The following SLC25A48 variants were observed in gnomAD, a reference collection of about 807,000 sequenced individuals.
SLC25A48 encodes solute carrier family 25 member 48, also known as CTC-321K16.1.
SLC25A48 carries 29 observed loss-of-function variants against 32.2 expected under a neutral mutation model. The observed-to-expected ratio is 0.90, with a 90% confidence interval of 0.67 to 1.23. SLC25A48 has a LOEUF of 1.23. Ranked by LOEUF, SLC25A48 falls within the 50% of genes most tolerant of loss-of-function variation. SLC25A48 has a pLI of 0.00. For synonymous variants in SLC25A48, 164 were observed against 172.3 expected (o/e 0.95, Z 0.38); for missense variants, 399 against 422.7 (o/e 0.94, Z 0.49).
At chr5:135,664,359 C>A (rs1753473048) in intron 3 of SLC25A48, among the ~76,000 whole-genome samples, 1 of 152,128 alleles carries the variant, frequency 6.6e-6, no homozygotes, top group African/African-American at 2.4e-5. Context: ...AGCTCTCTAG[C>A]CCAAACATGT....
chr5:135,658,956 T>A (rs745655693), intron 3 of SLC25A48, among the ~76,000 whole-genome samples: 1 of 152,222 alleles, frequency 6.6e-6, no homozygotes, highest in Admixed American at 6.5e-5. Flanking sequence ...TTCCCTCTTA[T>A]GCCTCTAGAC....
intron 3 of SLC25A48, among the ~76,000 whole-genome samples, chr5:135,791,795 T>C (rs1757037001): frequency 1.3e-5 from 2 of 151,736 alleles, no homozygotes; most frequent in South Asian, 2.1e-4. Flanking sequence ...TGTAATACCC[T>C]AGGATGATAT....
At chr5:135,755,715 AC>A (rs1421292824) in intron 3 of SLC25A48, among the ~76,000 whole-genome samples, 1 of 151,986 alleles carries the variant, frequency 6.6e-6, no homozygotes, top group Non-Finnish European at 1.5e-5. Context: ...TCTAGTGTCA[AC>A]GCACTATCTT....
chr5:135,800,398 A>G (rs564946689), intron 3 of SLC25A48, among the ~76,000 whole-genome samples: 13 of 151,936 alleles, frequency 8.6e-5, no homozygotes, highest in Non-Finnish European at 1.9e-4. Flanking sequence ...TGTTCCTAAT[A>G]TCCAGAAGCT....
chr5:135,593,520 C>A (rs1358875082), intron 1 of SLC25A48, among the ~76,000 whole-genome samples: 6 of 152,160 alleles, frequency 3.9e-5, no homozygotes, highest in Admixed American at 3.3e-4. Context: ...AATTAAGTAG[C>A]ATTTGAAGTT....
At chr5:135,645,240 C>T (rs1354881848) in intron 3 of SLC25A48, among the ~76,000 whole-genome samples, 2 of 152,316 alleles carry the variant, frequency 1.3e-5, no homozygotes, top group Admixed American at 1.3e-4. Context: ...CTGGTTTCCT[C>T]CTTTCTGTGA....
intron 3 of SLC25A48, among the ~76,000 whole-genome samples, chr5:135,641,551 G>A (rs1485158105): frequency 6.6e-6 from 1 of 152,112 alleles, no homozygotes; most frequent in Non-Finnish European, 1.5e-5. Context: ...TGCTTACATA[G>A]TCAGTTCTTA....
chr5:135,626,568 G>C (rs113774652), intron 1 of SLC25A48, among the ~76,000 whole-genome samples: 3,009 of 151,990 alleles, frequency 0.02, 95 homozygotes, highest in African/African-American at 0.068. Flanking sequence ...GTGTGTGTCT[G>C]TGTGTGTGTG....
intron 3 of SLC25A48, among the ~76,000 whole-genome samples, chr5:135,757,216 A>T (rs1009007444): frequency 2.0e-5 from 3 of 149,988 alleles, no homozygotes; most frequent in African/African-American, 7.3e-5. Flanking sequence ...TCTATATTAT[A>T]TTCAAAATGT....
intron 2 of SLC25A48, among the ~76,000 whole-genome samples, chr5:135,845,306 C>T (rs376741147): frequency 2.0e-5 from 3 of 152,224 alleles, no homozygotes; most frequent in African/African-American, 2.4e-5. Flanking sequence ...GGACACTAGC[C>T]ATTGGATTTA....
intron 3 of SLC25A48, among the ~76,000 whole-genome samples, chr5:135,752,195 A>G (rs1472726091): frequency 6.6e-6 from 1 of 152,236 alleles, no homozygotes; most frequent in Non-Finnish European, 1.5e-5. Context: ...AAAATTAAGA[A>G]TGGCTCTTCA....
intron 7 of SLC25A48, among the ~76,000 whole-genome samples, chr5:135,880,430 A>G (rs1304112060): frequency 6.6e-6 from 1 of 152,084 alleles, no homozygotes; most frequent in Non-Finnish European, 1.5e-5. Context: ...CAAGTGACCC[A>G]GGCTCACAAG....
intron 3 of SLC25A48, among the ~76,000 whole-genome samples, chr5:135,772,780 T>A (rs1419063192): frequency 1.3e-5 from 2 of 151,508 alleles, no homozygotes; most frequent in Non-Finnish European, 3.0e-5. Flanking sequence ...GAGGAGAAGA[T>A]AATATTACTC....
At chr5:135,817,154 G>A (rs1436769461) in intron 4 of SLC25A48, among the ~76,000 whole-genome samples, 5 of 152,184 alleles carry the variant, frequency 3.3e-5, no homozygotes, top group Admixed American at 3.3e-4. Flanking sequence ...GGCAAAGTTG[G>A]GAGACATTCT....
chr5:135,739,321 G>A (rs1236459420), intron 3 of SLC25A48, among the ~76,000 whole-genome samples: 2 of 152,034 alleles, frequency 1.3e-5, no homozygotes, highest in Admixed American at 1.3e-4. Context: ...GTCTCACTTT[G>A]TACCCCAGGC....
upstream of SLC25A48, among the ~76,000 whole-genome samples, chr5:135,834,049 A>G (rs1351617511): frequency 6.6e-6 from 1 of 152,174 alleles, no homozygotes; most frequent in Non-Finnish European, 1.5e-5. Context: ...GAAGGGAGGA[A>G]AGACACTCTC....
chr5:135,755,544 C>T (rs1437512545), intron 3 of SLC25A48, among the ~76,000 whole-genome samples: 1 of 151,634 alleles, frequency 6.6e-6, no homozygotes, highest in Non-Finnish European at 1.5e-5. Context: ...TTTATCATAT[C>T]TAATGTCAAC....
At chr5:135,822,396 T>G (rs1757914781) in intron 4 of SLC25A48, among the ~76,000 whole-genome samples, 1 of 152,184 alleles carries the variant, frequency 6.6e-6, no homozygotes, top group Non-Finnish European at 1.5e-5. Flanking sequence ...AATTTCAAAC[T>G]CAAGGTGTCG....
intron 1 of SLC25A48, among the ~76,000 whole-genome samples, chr5:135,835,589 C>A (rs1758434959): frequency 6.7e-6 from 1 of 148,742 alleles, no homozygotes; most frequent in Non-Finnish European, 1.5e-5. Context: ...GCATTCATTT[C>A]CTTGCTTCTC....
Sources: allele counts gnomAD v4.1 joint callset (sites outside exome capture counted in the v4.1 genomes callset), GRCh38; gene constraint gnomAD v4.1.1; transcripts MANE v1.5; gene names NCBI Gene and HGNC (gene_info 2026-07-23, HGNC 2026-07-21).